Variants in GLB1L3 observed in about 807,000 individuals in gnomAD.
GLB1L3 encodes galactosidase beta 1 like 3, also known as beta-galactosidase-1-like protein 3.
Under a neutral mutation model 89.5 loss-of-function variants are expected in GLB1L3, and 89 were observed. The observed-to-expected ratio is 0.99, with a 90% CI of 0.84 to 1.19. The LOEUF is 1.19. Ranked by LOEUF, GLB1L3 falls within the 50% of genes most tolerant of loss-of-function variation. GLB1L3 has a pLI of 0.00. For synonymous variants in GLB1L3, 314 were observed against 312.3 expected, an observed-to-expected ratio of 1.01 and a Z score of -0.06; for missense variants, 812 against 813.3, an observed-to-expected ratio of 1.00 and a Z score of 0.02.
chr11:134,288,238 C>T (rs1941128103), intron 6 of GLB1L3, among the ~76,000 whole-genome samples: 1 of 152,064 alleles, frequency 6.6e-6, no homozygotes, highest in African/African-American at 2.4e-5. Context: ...ACCGGTAGCT[C>T]TTCTAGGAAG....
At chr11:134,301,423 T>A (rs919634852) in intron 9 of GLB1L3, among the ~76,000 whole-genome samples, 1 of 152,202 alleles carries the variant, frequency 6.6e-6, no homozygotes, top group African/African-American at 2.4e-5. Flanking sequence ...TGGCATATAA[T>A]TATGCACACT....
At chr11:134,288,934 C>A (rs776751779) in intron 7 of GLB1L3, 44 bp downstream of exon 7, 1 of 1,307,176 alleles carries the variant, frequency 7.7e-7, no homozygotes, top group Non-Finnish European at 1.1e-6. Flanking sequence ...TGCCTCCTTC[C>A]TCCTCTGTGC....
intron 18 of GLB1L3, chr11:134,316,637 T>TA (rs1031717800): frequency 2.0e-5 from 3 of 152,208 alleles, no homozygotes; most frequent in Admixed American, 2.0e-4. Context: ...TAGAATGTCT[T>TA]AAAGATGATT....
At chr11:134,323,422 C>G (rs1943190184), downstream of GLB1L3, among the ~76,000 whole-genome samples, 1 of 122,288 alleles carries the variant, frequency 8.2e-6, no homozygotes, top group East Asian at 2.3e-4. Context: ...CACACACACA[C>G]ACAATTAGTC....
intron 9 of GLB1L3, among the ~76,000 whole-genome samples, chr11:134,298,230 C>T (rs1241409649): frequency 6.6e-6 from 1 of 151,552 alleles, no homozygotes; most frequent in Non-Finnish European, 1.5e-5. Context: ...TGAAATTTAC[C>T]AAACATTAAG....
At chr11:134,294,557 T>C (rs1941532200) in intron 9 of GLB1L3, among the ~76,000 whole-genome samples, 1 of 152,192 alleles carries the variant, frequency 6.6e-6, no homozygotes, top group African/African-American at 2.4e-5. Flanking sequence ...AATTCACCCA[T>C]TGTCATCATA....
At chr11:134,286,089 A>C (rs1040005142) in intron 6 of GLB1L3, among the ~76,000 whole-genome samples, 1 of 151,820 alleles carries the variant, frequency 6.6e-6, no homozygotes, top group Non-Finnish European at 1.5e-5. Context: ...TTGTATTTTT[A>C]GTAGAGATGG....
At chr11:134,315,792 C>CT (rs1206862091) in intron 18 of GLB1L3, among the ~76,000 whole-genome samples, 1 of 152,006 alleles carries the variant, frequency 6.6e-6, no homozygotes, top group East Asian at 1.9e-4. Context: ...CTGTCATTAT[C>CT]TTTATTATTT....
Position 134,318,897 on chromosome 11 carries a change from G to C in GLB1L3, c.1917G>C (p.Met639Ile). 4 of 1,613,076 alleles carry C rather than the reference G, an allele frequency of 2.5e-6. No individual in the cohort carries two copies. Among genetic ancestry groups the C allele is most frequent in the Non-Finnish European group, 3.4e-6 (4 of 1,179,490 alleles). Residue 639 changes from methionine (M) to isoleucine (I), a missense_variant, in exon 20 of 20, where the codon ATG becomes ATC. Physicochemically the swap from Met to Ile is conservative, Grantham distance 10 (BLOSUM62 1). Coordinates refer to ENST00000431683, the MANE Select transcript of GLB1L3 (RefSeq NM_001080407.3). ...EDNEVILFEK[M>I]MSGSDIKSTD... is the part of the protein sequence containing the mutation. Reference sequence around the variant, plus strand: ...CTCAGGTCATCTTGTTTGAGAAGATGATGAGTGGCTCAGATATCAAATCTA... The same window carrying C: ...CTCAGGTCATCTTGTTTGAGAAGATCATGAGTGGCTCAGATATCAAATCTA...
At chr11:134,314,700 C>T (rs1404657248) in intron 18 of GLB1L3, among the ~76,000 whole-genome samples, 9 of 152,172 alleles carry the variant, frequency 5.9e-5, no homozygotes, top group Non-Finnish European at 7.3e-5. Flanking sequence ...TTTGAACCCA[C>T]CCCCATTCCA....
intron 6 of GLB1L3, among the ~76,000 whole-genome samples, chr11:134,286,948 C>A (rs970475755): frequency 6.0e-5 from 9 of 150,814 alleles, no homozygotes; most frequent in Admixed American, 4.0e-4. Context: ...ATCACGAGGT[C>A]AGGAGATCAA....
At position 134,319,400 on chromosome 11, in the gene GLB1L3, T is replaced by G. The variant is rs143320536; in HGVS notation, c.*458T>G. The G allele has an allele frequency of 1.3e-5, 2 of 158,652 alleles. No homozygotes were observed. The highest frequency in any genetic ancestry group is 2.8e-5 in the Non-Finnish European group (2 of 72,116). 9.8% of individuals were successfully genotyped at this position (158,652 alleles called of 1,614,324 possible). A position where few individuals can be genotyped will look rare whatever the true frequency, so the allele number is the denominator to read the frequency against. On this transcript the variant is annotated 3_prime_UTR_variant, in exon 20 of 20. Coordinates refer to ENST00000431683, the MANE Select transcript of GLB1L3 (RefSeq NM_001080407.3). ...CAACAAAACAGCAGAGGAATTGTTATGTATTTTGTAGTCTATCTATATGAT... is the reference window on the plus strand; with the variant it reads ...CAACAAAACAGCAGAGGAATTGTTAGGTATTTTGTAGTCTATCTATATGAT...
intron 9 of GLB1L3, among the ~76,000 whole-genome samples, chr11:134,295,133 T>C (rs935699591): frequency 1.3e-5 from 2 of 152,370 alleles, no homozygotes; most frequent in South Asian, 4.1e-4. Flanking sequence ...CCTCATAAAA[T>C]GAATTTGGAA....
chr11:134,277,778 T>A lies in GLB1L3; in HGVS notation c.228T>A (p.Gly76=), dbSNP rs779204949. ...VGLGTESTGR[G]KPHFTLEGHK... ...TTGGAACTGAAAGCACAGGTCGGGGTAAGCCCCACTTCACACTGGAGGGCC... is the reference window on the plus strand; with the variant it reads ...TTGGAACTGAAAGCACAGGTCGGGGAAAGCCCCACTTCACACTGGAGGGCC... The change falls in exon 3 of 20, where the codon GGT becomes GGA. Residue 76 remains glycine (G), a synonymous_variant. Transcript: ENST00000431683. The A allele has an allele frequency of 6.2e-7, 1 of 1,613,850 alleles. No homozygotes were observed.
chr11:134,309,680 A>G lies in GLB1L3; in HGVS notation c.1016A>G (p.Tyr339Cys), dbSNP rs1942626166. The G allele has an allele frequency of 4.3e-6, 7 of 1,612,706 alleles. No individual in the cohort carries two copies. The highest frequency in any genetic ancestry group is 2.2e-5 in the East Asian group (1 of 44,872). ...AAATATGAGATCTCCTTCAATGTATATATGTTCCATGGTGGAACCAACTTT... is the reference window on the plus strand; with the variant it reads ...AAATATGAGATCTCCTTCAATGTATGTATGTTCCATGGTGGAACCAACTTT... ...FIKYEISFNVYMFHGGTNFGF... is the reference protein window; with the variant it reads ...FIKYEISFNVCMFHGGTNFGF... Residue 339 changes from tyrosine to cysteine, a missense_variant, in exon 11 of 20, where the codon TAT becomes TGT. By Grantham distance (194) the Tyr-to-Cys change is radical. Coordinates refer to ENST00000431683, the MANE Select transcript of GLB1L3 (RefSeq NM_001080407.3).
At chr11:134,297,859 C>CAAAAAAAAAA (rs34354899) in intron 9 of GLB1L3, among the ~76,000 whole-genome samples, 1 of 100,990 alleles carries the variant, frequency 9.9e-6, no homozygotes, top group African/African-American at 3.6e-5. Context: ...GACTCTGTCT[C>CAAAAAAAAAA]AAAAAAAAAA....
intron 1 of GLB1L3, 23 bp downstream of exon 1, chr11:134,276,786 C>T: frequency 7.1e-7 from 1 of 1,416,384 alleles, no homozygotes; most frequent in Non-Finnish European, 9.2e-7. Flanking sequence ...CGCTGCCGTC[C>T]CGGGCTGCCC....
In GLB1L3 at chr11:134,281,385, C is replaced by T. The variant is rs200060193; in HGVS notation, c.371C>T (p.Pro124Leu). The change falls in exon 4 of 20, where the codon CCG becomes CTG. Residue 124 changes from proline to leucine, a missense_variant. Around this residue, in one of 3 missense-constraint regions of GLB1L3, gnomAD observed 191 missense variants for 191.4 expected, o/e 1.00. Transcript: ENST00000431683. ...CGFNTVTTYV[P>L]WNLHEPERGK... ...CCTCTCACCTCTTCTAGCTATGTTC[C>T]GTGGAACCTGCATGAGCCAGAAAGA... 1.8e-4 allele frequency: 296 copies of T among 1,614,158 alleles called. 1 individual carries two copies. Among genetic ancestry groups the T allele is most frequent in the African/African-American group, 7.3e-4 (55 of 75,024 alleles).
At chr11:134,295,356 A>T (rs527842953) in intron 9 of GLB1L3, among the ~76,000 whole-genome samples, 1 of 152,294 alleles carries the variant, frequency 6.6e-6, no homozygotes, top group East Asian at 1.9e-4. Flanking sequence ...TCAAGGATTT[A>T]TTCTACTCAT....
Sources: gnomAD v4.1 joint callset for allele counts (sites outside exome capture counted in the v4.1 genomes callset) on GRCh38, gnomAD v4.1.1 for gene constraint, gnomAD v4.1.1 regional missense constraint, MANE v1.5 for transcripts, NCBI Gene and HGNC (gene_info 2026-07-23, HGNC 2026-07-21) for gene names.